The following KCNJ15 variants were observed in gnomAD, a reference collection of about 807,000 sequenced individuals.
The protein encoded by KCNJ15 is potassium inwardly rectifying channel subfamily J member 15.
A neutral mutation model predicts 23.0 loss-of-function variants in KCNJ15; 14 were observed. That is an observed-to-expected ratio of 0.61 (90% confidence interval 0.40 to 0.95). The LOEUF (loss-of-function observed/expected upper bound fraction) is 0.95, where lower values mean the gene tolerates loss of function less well. Among genes scored for constraint, KCNJ15 ranks in the 40% least tolerant of loss-of-function variants. KCNJ15 has a pLI of 0.00. For synonymous variants in KCNJ15, 185 were observed against 183.2 expected, an observed-to-expected ratio of 1.01 and a Z score of -0.08; for missense variants, 388 against 461.8, an observed-to-expected ratio of 0.84 and a Z score of 1.46.
intron 1 of KCNJ15, among the ~76,000 whole-genome samples, chr21:38,231,872 G>A (rs2123532837): frequency 6.6e-6 from 1 of 151,788 alleles, no homozygotes; most frequent in African/African-American, 2.4e-5. Context: ...TAATTTGCTT[G>A]TATTTTGTTG....
chr21:38,280,509 A>T (rs1402261577), intron 1 of KCNJ15, among the ~76,000 whole-genome samples: 1 of 152,178 alleles, frequency 6.6e-6, no homozygotes, highest in African/African-American at 2.4e-5. Flanking sequence ...GGTAGCTGTT[A>T]TTAGTGAGAA....
chr21:38,260,007 G>T (rs184498018), intron 1 of KCNJ15, among the ~76,000 whole-genome samples: 44 of 152,302 alleles, frequency 2.9e-4, no homozygotes, highest in African/African-American at 9.6e-4. Context: ...ACTAAGGGCA[G>T]AGAGGGAGAG....
At chr21:38,288,926 G>A (rs959730993) in intron 1 of KCNJ15, among the ~76,000 whole-genome samples, 4 of 152,146 alleles carry the variant, frequency 2.6e-5, no homozygotes, top group Admixed American at 1.3e-4. Context: ...TAAGCCGGGC[G>A]CGGTGGCTCA....
intron 1 of KCNJ15, among the ~76,000 whole-genome samples, chr21:38,273,235 C>A (rs975339645): frequency 6.6e-6 from 1 of 152,042 alleles, no homozygotes; most frequent in African/African-American, 2.4e-5. Flanking sequence ...ACTCTAGTTA[C>A]CTTTACAGAT....
chr21:38,264,965 T>C (rs747401527), intron 1 of KCNJ15, among the ~76,000 whole-genome samples: 1 of 152,118 alleles, frequency 6.6e-6, no homozygotes, highest in Non-Finnish European at 1.5e-5. Context: ...CATGGGAGTG[T>C]GGGCTGGAAG....
rs531457135 is a variant in KCNJ15 at position 38,273,012 on chromosome 21, G to A, written c.-117+15827G>A. On this transcript the variant is annotated intron_variant, in intron 1 of 2. Transcript: ENST00000398938. Reference sequence around the variant, plus strand: ...AAATAGCAATAAACTATTCATTTAGGTTAGATATACAAATAAGTAACTTTC... The same window carrying A: ...AAATAGCAATAAACTATTCATTTAGATTAGATATACAAATAAGTAACTTTC... Among the ~76,000 whole-genome samples, 14 of 152,302 alleles carry A rather than the reference G, an allele frequency of 9.2e-5. No homozygotes were observed. The South Asian group carries it at 2.3e-3, about 25-fold the overall frequency.
intron 1 of KCNJ15, among the ~76,000 whole-genome samples, chr21:38,268,569 A>AAAAAAAAAAAAAAAAG: frequency 7.4e-6 from 1 of 136,032 alleles, no homozygotes; most frequent in Non-Finnish European, 1.5e-5. Flanking sequence ...AAAAAAAAAA[A>AAAAAAAAAAAAAAAAG]AAAAAAAAGA....
chr21:38,287,976 A>C lies in KCNJ15; in HGVS notation c.-116-8950A>C, dbSNP rs530018788. 3.4e-5 allele frequency among the ~76,000 whole-genome samples: 5 copies of C among 147,522 alleles called. No individual in the cohort carries two copies. The South Asian group carries it at 6.4e-4, about 19-fold the overall frequency. ...AAATGTAGACTGATAGTGAGACAGA[A>C]TTTCAAAACTTTTTGACATTTGTCC... On this transcript the variant is annotated intron_variant, in intron 1 of 2. Coordinates refer to ENST00000398938, the MANE Select transcript of KCNJ15 (RefSeq NM_170736.3).
intron 1 of KCNJ15, among the ~76,000 whole-genome samples, chr21:38,240,193 G>C (rs1315238260): frequency 2.0e-5 from 3 of 151,956 alleles, no homozygotes; most frequent in Admixed American, 2.0e-4. Flanking sequence ...AAGAAATATA[G>C]ACTCCCATCG....
chr21:38,255,119 G>C (rs1334913621), upstream of KCNJ15, among the ~76,000 whole-genome samples: 1 of 152,182 alleles, frequency 6.6e-6, no homozygotes, highest in African/African-American at 2.4e-5. Context: ...AGTGATAAGT[G>C]AGATACACAA....
chr21:38,297,597 G>A (rs750825457), intron 2 of KCNJ15, among the ~76,000 whole-genome samples: 77 of 152,214 alleles, frequency 5.1e-4, no homozygotes, highest in Non-Finnish European at 2.5e-4. Context: ...CCAGAATGGC[G>A]TTTCATTTCC....
chr21:38,304,695 A>ATTTTTT lies in KCNJ15; in HGVS notation c.*4307_*4308insTTTTTT, dbSNP rs1985987667. On this transcript the variant is annotated 3_prime_UTR_variant, in exon 3 of 3. Transcript: ENST00000398938. ...TTTTTTTTTTTTTTTTTTTTTTTTG[A>ATTTTTT]TACTGGGTCTCGCTCTGTCGCCCAG... 4.7e-5 allele frequency: 1 copy of ATTTTTT among 21,144 alleles called. No homozygotes were observed. Among genetic ancestry groups the ATTTTTT allele is most frequent in the Non-Finnish European group, 1.7e-4 (1 of 5,852 alleles). The allele number at this position is 21,144 out of a possible 1,614,324, so 1.3% of individuals were successfully genotyped here.
chr21:38,288,887 A>G (rs1188823817), intron 1 of KCNJ15, among the ~76,000 whole-genome samples: 1 of 152,192 alleles, frequency 6.6e-6, no homozygotes, highest in African/African-American at 2.4e-5. Flanking sequence ...AACCATGTCC[A>G]CTTTGAAGTT....
At chr21:38,242,848 G>A (rs62223529) in intron 1 of KCNJ15, among the ~76,000 whole-genome samples, 2,819 of 152,242 alleles carry the variant, frequency 0.019, 38 homozygotes, top group Middle Eastern at 0.058. Flanking sequence ...CAGTAAGCTC[G>A]TCTGGGTAGG....
chr21:38,250,961 A>G (rs1409335361), intron 1 of KCNJ15, among the ~76,000 whole-genome samples: 2 of 152,204 alleles, frequency 1.3e-5, no homozygotes, highest in Non-Finnish European at 2.9e-5. Flanking sequence ...GATAGGGTCC[A>G]CGGCACACAT....
chr21:38,282,413 C>G (rs1983448081), intron 1 of KCNJ15, among the ~76,000 whole-genome samples: 1 of 152,068 alleles, frequency 6.6e-6, no homozygotes, highest in Non-Finnish European at 1.5e-5. Context: ...TTATGTTTGC[C>G]CATAGTTTTT....
chr21:38,299,489 G>C lies in KCNJ15; in HGVS notation c.228G>C (p.Met76Ile). The C allele has an allele frequency of 1.2e-6, 2 of 1,614,194 alleles. No individual in the cohort carries two copies. The highest frequency in any genetic ancestry group is 2.2e-5 in the South Asian group (2 of 91,080). Residue 76 changes from methionine (M) to isoleucine (I), a missense_variant, in exon 3 of 3, where the codon ATG (methionine) becomes ATC (isoleucine). Physicochemically the swap from Met to Ile is conservative, Grantham distance 10. Transcript: ENST00000398938. This position sits in a 1 kb window ranked among gnomAD's most constrained non-coding sequence, Gnocchi z 4.5. ...CCCTGTTCGCTGCCACTTTTGTGAT[G>C]ACCTGGTTCCTTTTTGGAGTCATCT... The part of the protein sequence containing the change: ...KLTLFAATFV[M>I]TWFLFGVIYY...
upstream of KCNJ15, among the ~76,000 whole-genome samples, chr21:38,256,364 A>ATATG (rs150009252): frequency 0.16 from 20,848 of 129,394 alleles, 2,241 homozygotes; most frequent in East Asian, 0.4. Context: ...TTCAGCTTAT[A>ATATG]TATATATATA....
At chr21:38,252,240 C>T (rs1979887666), upstream of KCNJ15, among the ~76,000 whole-genome samples, 1 of 152,158 alleles carries the variant, frequency 6.6e-6, no homozygotes, top group Non-Finnish European at 1.5e-5. Context: ...CCTGGAATGT[C>T]AACAACCCTA....
Sources: gnomAD v4.1 joint callset for allele counts (sites outside exome capture counted in the v4.1 genomes callset) on GRCh38, gnomAD v4.1.1 for gene constraint, Gnocchi (gnomAD v3.1) non-coding constraint, MANE v1.5 for transcripts, NCBI Gene and HGNC (gene_info 2026-07-23, HGNC 2026-07-21) for gene names.